THSD7B: variants seen among roughly 807,000 people sequenced by gnomAD.
THSD7B encodes the protein thrombospondin type-1 domain-containing protein 7B.
A neutral mutation model predicts 213.6 loss-of-function variants in THSD7B; 138 were observed. That is an observed-to-expected ratio of 0.65 (90% CI 0.56 to 0.74). THSD7B has a LOEUF of 0.74. Ranked by LOEUF, THSD7B falls within the 30% of genes least tolerant of loss-of-function variation. The pLI is 0.00. For missense variants in THSD7B, 1,931 were observed against 1,991.5 expected, an observed-to-expected ratio of 0.97 and a Z score of 0.58; for synonymous variants, 742 against 687.0, an observed-to-expected ratio of 1.08 and a Z score of -1.25.
At chr2:137,030,516 C>G (rs946061363) in intron 2 of THSD7B, among the ~76,000 whole-genome samples, 1 of 152,074 alleles carries the variant, frequency 6.6e-6, no homozygotes, top group African/African-American at 2.4e-5. Context: ...ACCAGCTGCC[C>G]ACAAGGAGAG....
At chr2:136,989,138 A>G (rs1685719691) in intron 2 of THSD7B, among the ~76,000 whole-genome samples, 1 of 152,182 alleles carries the variant, frequency 6.6e-6, no homozygotes. Context: ...CAACCTTGTG[A>G]GAATTTGTTA....
intron 7 of THSD7B, among the ~76,000 whole-genome samples, chr2:137,212,011 C>A (rs147943790): frequency 6.6e-6 from 1 of 152,084 alleles, no homozygotes; most frequent in East Asian, 1.9e-4. Flanking sequence ...AAGGGGGAAT[C>A]CTAATGTGAA....
intron 12 of THSD7B, among the ~76,000 whole-genome samples, chr2:137,328,904 T>C (rs1036142308): frequency 3.3e-5 from 5 of 152,164 alleles, no homozygotes; most frequent in African/African-American, 1.2e-4. Context: ...TCCTGAGGCC[T>C]CCCCAGCCAT....
intron 1 of THSD7B, among the ~76,000 whole-genome samples, chr2:136,766,117 C>T (rs947334361): frequency 6.6e-6 from 1 of 152,226 alleles, no homozygotes; most frequent in African/African-American, 2.4e-5. Flanking sequence ...CGCCCAAAAT[C>T]GAAAGGCCGG....
In THSD7B at chr2:137,232,901, G is replaced by A. The variant is rs1194994270; in HGVS notation, c.1918G>A (p.Gly640Arg). 1 of 1,613,730 alleles carries A rather than the reference G, an allele frequency of 6.2e-7. No homozygotes were observed. Among genetic ancestry groups the A allele is most frequent in the Non-Finnish European group, 8.5e-7 (1 of 1,179,740 alleles). ...RTILALAGEGGKPCPPSQALQ... is the reference protein window; with the variant it reads ...RTILALAGEGRKPCPPSQALQ... ...CCTTTTGTTCTTATTTTTGGCAGGT[G>A]GAAAGCCATGTCCCCCTAGTCAGGC... Residue 640 changes from glycine (G) to arginine (R), a missense_variant and splice_region_variant, in exon 9 of 28, where the codon GGA (glycine) becomes AGA (arginine). Coordinates refer to ENST00000409968, the MANE Select transcript of THSD7B (RefSeq NM_001316349.2).
intron 2 of THSD7B, among the ~76,000 whole-genome samples, chr2:137,013,121 A>G (rs1397555097): frequency 6.6e-6 from 1 of 152,254 alleles, no homozygotes; most frequent in Non-Finnish European, 1.5e-5. Flanking sequence ...ATGTATAAAT[A>G]ACTTTTAGAA....
intron 12 of THSD7B, among the ~76,000 whole-genome samples, chr2:137,286,406 G>A (rs1683180545): frequency 6.6e-6 from 1 of 152,112 alleles, no homozygotes; most frequent in African/African-American, 2.4e-5. Context: ...TCTATCAAAT[G>A]TCAAGACAGC....
intron 3 of THSD7B, among the ~76,000 whole-genome samples, chr2:137,089,321 T>TATATATGTGTGTGTATATGTATATATAC (rs755523800): frequency 6.7e-6 from 1 of 150,088 alleles, no homozygotes; most frequent in Non-Finnish European, 1.5e-5. Flanking sequence ...TATATATACA[T>TATATATGTGTGTGTATATGTATATATAC]ATATGTGTGT....
At chr2:137,295,230 G>A (rs1683433622) in intron 12 of THSD7B, among the ~76,000 whole-genome samples, 2 of 152,058 alleles carry the variant, frequency 1.3e-5, no homozygotes, top group African/African-American at 2.4e-5. Flanking sequence ...ATAACAAATG[G>A]TAAAGAAAAA....
intron 2 of THSD7B, among the ~76,000 whole-genome samples, chr2:137,002,861 T>C (rs1278888860): frequency 3.9e-5 from 6 of 152,226 alleles, no homozygotes; most frequent in African/African-American, 1.4e-4. Context: ...TTTTTTCTTA[T>C]ACTTCTTATA....
At chr2:136,793,708 T>C (rs1321771369) in intron 1 of THSD7B, among the ~76,000 whole-genome samples, 1 of 151,998 alleles carries the variant, frequency 6.6e-6, no homozygotes, top group African/African-American at 2.4e-5. Flanking sequence ...TATCTTTGTT[T>C]ATGAGGAATA....
chr2:137,546,474 ATATAATAT>A (rs1558834563), intron 15 of THSD7B, among the ~76,000 whole-genome samples: 4 of 58,970 alleles, frequency 6.8e-5, no homozygotes, highest in African/African-American at 3.3e-4. Context: ...ATATATATAT[ATATAATAT>A]ATATATATAT....
chr2:137,324,087 A>G (rs1684317141), intron 12 of THSD7B, among the ~76,000 whole-genome samples: 1 of 152,202 alleles, frequency 6.6e-6, no homozygotes, highest in African/African-American at 2.4e-5. Flanking sequence ...TAAGGATTTA[A>G]TGTGTTGCAG....
chr2:137,464,732 A>T (rs1056458322), intron 15 of THSD7B, among the ~76,000 whole-genome samples: 1 of 152,100 alleles, frequency 6.6e-6, no homozygotes, highest in Non-Finnish European at 1.5e-5. Flanking sequence ...GAGCTGCTCA[A>T]TTGACTGTTT....
chr2:137,675,524 C>T (rs1023130439), intron 27 of THSD7B, among the ~76,000 whole-genome samples: 33 of 150,988 alleles, frequency 2.2e-4, no homozygotes, highest in Non-Finnish European at 8.8e-5. Flanking sequence ...CTGCCACTCA[C>T]TCAGTGACCT....
chr2:137,412,456 C>T lies in THSD7B; in HGVS notation c.2959+584C>T, dbSNP rs550433942. Among the ~76,000 whole-genome samples the T allele has an allele frequency of 3.5e-3, 524 of 151,638 alleles. 2 individuals carry two copies. Among genetic ancestry groups the T allele is most frequent in the African/African-American group, 0.012 (486 of 41,376 alleles). Reference sequence around the variant, plus strand: ...TCTCTACTGAAAATACAAAATTAGCCGGGCGTGGTGGCGCATGCCTGTAAT... The same window carrying T: ...TCTCTACTGAAAATACAAAATTAGCTGGGCGTGGTGGCGCATGCCTGTAAT... On this transcript the variant is annotated intron_variant, in intron 14 of 27. Transcript: ENST00000409968.
intron 13 of THSD7B, among the ~76,000 whole-genome samples, chr2:137,409,327 GGA>G (rs749039150): frequency 1.3e-5 from 2 of 152,188 alleles, no homozygotes; most frequent in Non-Finnish European, 2.9e-5. Flanking sequence ...GGAAACAAAT[GGA>G]CTGATGCAAT....
Position 137,657,111 on chromosome 2 carries a change from T to G in THSD7B, c.4326T>G (p.Asn1442Lys), listed in dbSNP as rs568858805. 6.2e-7 allele frequency: 1 copy of G among 1,614,002 alleles called. No homozygotes were observed. The highest frequency in any genetic ancestry group is 8.5e-7 in the Non-Finnish European group (1 of 1,179,890). ...HYTWKASLWN[N>K]NERTVWCQRS... Reference sequence around the variant, plus strand: ...CATGGAAAGCAAGTCTTTGGAACAATAACGAACGAACTGTATGGTGCCAGC... The same window carrying G: ...CATGGAAAGCAAGTCTTTGGAACAAGAACGAACGAACTGTATGGTGCCAGC... The change falls in exon 24 of 28, where the codon AAT becomes AAG. Residue 1442 changes from asparagine to lysine, a missense_variant. Asn to Lys is a moderately conservative substitution (Grantham distance 94). Transcript: ENST00000409968.
chr2:137,387,371 C>T (rs1685920651), intron 12 of THSD7B, among the ~76,000 whole-genome samples: 1 of 152,168 alleles, frequency 6.6e-6, no homozygotes, highest in Non-Finnish European at 1.5e-5. Context: ...CTGCCCAGAG[C>T]TTAAGATAGC....
Sources: gnomAD v4.1 joint callset for allele counts (sites outside exome capture counted in the v4.1 genomes callset) on GRCh38, gnomAD v4.1.1 for gene constraint, MANE v1.5 for transcripts, NCBI Gene and HGNC (gene_info 2026-07-23, HGNC 2026-07-21) for gene names.